The following CACNG5 variants were observed in gnomAD, a reference collection of about 807,000 sequenced individuals.
The protein encoded by CACNG5 is voltage-dependent calcium channel gamma-5 subunit.
A neutral mutation model predicts 24.8 loss-of-function variants in CACNG5; 18 were observed. That is an observed-to-expected ratio of 0.73 (90% CI 0.50 to 1.08). CACNG5 has a LOEUF of 1.08. Ranked by LOEUF, CACNG5 falls within the 50% of genes least tolerant of loss-of-function variation. CACNG5 has a pLI of 0.00. For synonymous variants in CACNG5, 157 were observed against 149.1 expected (o/e 1.05, Z -0.39); for missense variants, 349 against 367.9 (o/e 0.95, Z 0.42).
rs774239189 is a variant in CACNG5, at chr17:66,889,803, T to G, written c.*4563T>G. 2.8e-4 allele frequency among the ~76,000 whole-genome samples: 42 copies of G among 152,220 alleles called. No individual in the cohort carries two copies. Among genetic ancestry groups the G allele is most frequent in the Non-Finnish European group, 4.7e-4 (32 of 68,048 alleles). ...ACTCAGTGTCCACTGATTTAAATGT[T>G]AGTGTCATCCAAAACACACCTTCAC... On this transcript the variant is annotated 3_prime_UTR_variant, in exon 6 of 6. Coordinates refer to ENST00000533854, the MANE Select transcript of CACNG5 (RefSeq NM_145811.3).
At chr17:66,852,932 CTT>C (rs976055084) in intron 1 of CACNG5, among the ~76,000 whole-genome samples, 2 of 146,814 alleles carry the variant, frequency 1.4e-5, no homozygotes, top group African/African-American at 5.0e-5. Flanking sequence ...CTCTTTCTCT[CTT>C]GTCTTTCTCT....
At position 66,887,653 on chromosome 17, in the gene CACNG5, G is replaced by T. The variant is rs1219829605; in HGVS notation, c.*2413G>T. 2.0e-5 allele frequency among the ~76,000 whole-genome samples: 3 copies of T among 152,098 alleles called. No individual in the cohort carries two copies. The highest frequency in any genetic ancestry group is 7.2e-5 in the African/African-American group (3 of 41,406). On this transcript the variant is annotated 3_prime_UTR_variant, in exon 6 of 6. Transcript: ENST00000533854. ...TAGAACACTCTTTCTCTGTCACTGT[G>T]CCAGGCTTGTTTTTGGTGCACCTGG...
intron 1 of CACNG5, among the ~76,000 whole-genome samples, chr17:66,858,868 A>AG (rs1285062974): frequency 6.6e-6 from 1 of 152,154 alleles, no homozygotes; most frequent in Admixed American, 6.5e-5. Context: ...CTTTAAAGAG[A>AG]GGTGGTCAAG....
At chr17:66,839,180 TC>T (rs1976528405) in intron 1 of CACNG5, among the ~76,000 whole-genome samples, 1 of 151,894 alleles carries the variant, frequency 6.6e-6, no homozygotes, top group African/African-American at 2.4e-5. Flanking sequence ...CAAGATGTTC[TC>T]AATCTCCTGA....
chr17:66,865,862 C>T (rs1163613925), intron 1 of CACNG5, among the ~76,000 whole-genome samples: 2 of 148,598 alleles, frequency 1.3e-5, no homozygotes, highest in African/African-American at 2.5e-5. Flanking sequence ...AGGATGGTCT[C>T]GATCTCCTGA....
intron 1 of CACNG5, among the ~76,000 whole-genome samples, chr17:66,873,347 A>C (rs961925588): frequency 6.6e-6 from 1 of 152,210 alleles, no homozygotes; most frequent in Non-Finnish European, 1.5e-5. Flanking sequence ...GAAATAGATG[A>C]AACTTTTTGG....
In CACNG5 at chr17:66,886,888, AC is replaced by A. The variant is rs1977269163; in HGVS notation, c.*1650del. Among the ~76,000 whole-genome samples, 1 of 152,062 alleles carries A rather than the reference AC, an allele frequency of 6.6e-6. No individual in the cohort carries two copies. Among genetic ancestry groups the A allele is most frequent in the Admixed American group, 6.5e-5 (1 of 15,274 alleles). Reference sequence around the variant, plus strand: ...CTCTGTCCTTGGCTTGCAGACGGCTACCTTCCCGCTGTGTCCTCATGTGGTC... The same window carrying A: ...CTCTGTCCTTGGCTTGCAGACGGCTACTTCCCGCTGTGTCCTCATGTGGTC... On this transcript the variant is annotated 3_prime_UTR_variant, in exon 6 of 6. Coordinates refer to ENST00000533854, the MANE Select transcript of CACNG5 (RefSeq NM_145811.3).
intron 1 of CACNG5, among the ~76,000 whole-genome samples, chr17:66,868,298 G>A (rs1976956657): frequency 1.3e-5 from 2 of 152,218 alleles, no homozygotes; most frequent in African/African-American, 4.8e-5. Flanking sequence ...GGAATGCAGT[G>A]TGGCAGGGGT....
rs1598062702 is a variant in CACNG5, at chr17:66,880,609, C to T, written c.336C>T (p.Phe112=). The change falls in exon 4 of 6, where the codon TTC becomes TTT. Residue 112 remains phenylalanine, a synonymous_variant. Coordinates refer to ENST00000533854, the MANE Select transcript of CACNG5 (RefSeq NM_145811.3). ...CTCTGGTCAGCCTCTTCTTCATGTTCATTGGGTTTATCCTGAACAACATCG... is the reference window on the plus strand; with the variant it reads ...CTCTGGTCAGCCTCTTCTTCATGTTTATTGGGTTTATCCTGAACAACATCG... ...PFPLVSLFFM[F]IGFILNNIGH... 2 of 1,614,246 alleles carry T rather than the reference C, an allele frequency of 1.2e-6. No individual in the cohort carries two copies. Among genetic ancestry groups the T allele is most frequent in the Non-Finnish European group, 8.5e-7 (1 of 1,180,030 alleles).
chr17:66,881,617 T>C (rs573049892), intron 4 of CACNG5, among the ~76,000 whole-genome samples: 4 of 152,252 alleles, frequency 2.6e-5, no homozygotes, highest in African/African-American at 9.6e-5. Flanking sequence ...AAAAGGGCAG[T>C]GCAATGGGAG....
chr17:66,860,180 G>A (rs556352495), intron 1 of CACNG5, among the ~76,000 whole-genome samples: 74 of 152,256 alleles, frequency 4.9e-4, no homozygotes, highest in African/African-American at 1.7e-3. Flanking sequence ...AGACAGTTTA[G>A]TATAGCAGAT....
intron 1 of CACNG5, among the ~76,000 whole-genome samples, chr17:66,864,995 C>T (rs1290373548): frequency 6.6e-6 from 1 of 152,184 alleles, no homozygotes; most frequent in South Asian, 2.1e-4. Context: ...TTACTGAACT[C>T]AAGCCATCCT....
chr17:66,862,892 C>CTCTCTG (rs567913804), intron 1 of CACNG5, among the ~76,000 whole-genome samples: 1,451 of 142,236 alleles, frequency 0.01, 39 homozygotes, highest in Admixed American at 0.047. Context: ...AGCATATTCT[C>CTCTCTG]TGTGTGTGTG....
intron 1 of CACNG5, among the ~76,000 whole-genome samples, chr17:66,857,741 G>A (rs898283321): frequency 6.6e-6 from 1 of 152,206 alleles, no homozygotes; most frequent in Non-Finnish European, 1.5e-5. Context: ...TGCATGGTCT[G>A]CATATCTTTA....
chr17:66,838,057 C>T (rs1021401927), intron 1 of CACNG5, among the ~76,000 whole-genome samples: 1 of 151,730 alleles, frequency 6.6e-6, no homozygotes, highest in African/African-American at 2.4e-5. Context: ...ACCCGCTGCT[C>T]AGAACACACC....
chr17:66,884,425 G>T (rs1412163460), intron 4 of CACNG5, 91 bp from the exon 5 acceptor site: 3 of 1,374,692 alleles, frequency 2.2e-6, no homozygotes, highest in African/African-American at 1.4e-5. Flanking sequence ...TGGTGGCTTT[G>T]CTCCTGAATT....
Position 66,888,578 on chromosome 17 carries a change from A to G in CACNG5, c.*3338A>G, listed in dbSNP as rs1977297064. On this transcript the variant is annotated 3_prime_UTR_variant, in exon 6 of 6. Coordinates refer to ENST00000533854, the MANE Select transcript of CACNG5 (RefSeq NM_145811.3). ...AAAAAAAAAAAAAAGAGTTAAAGAA[A>G]GAGGAAAGAACCATGAAAAGTGGCT... 6.6e-6 allele frequency among the ~76,000 whole-genome samples: 1 copy of G among 151,194 alleles called. No individual in the cohort carries two copies. The highest frequency in any genetic ancestry group is 1.5e-5 in the Non-Finnish European group (1 of 67,836).
chr17:66,875,407 C>G (rs1221918233), intron 1 of CACNG5, among the ~76,000 whole-genome samples: 1 of 152,190 alleles, frequency 6.6e-6, no homozygotes, highest in Non-Finnish European at 1.5e-5. Context: ...TAGACTCACA[C>G]ATGCCTCCAG....
At chr17:66,837,829 C>G (rs1976502019) in intron 1 of CACNG5, among the ~76,000 whole-genome samples, 1 of 151,914 alleles carries the variant, frequency 6.6e-6, no homozygotes, top group Non-Finnish European at 1.5e-5. Flanking sequence ...GAGACAGGCC[C>G]AGCTGCTAAG....
Sources: gnomAD v4.1 joint callset for allele counts (sites outside exome capture counted in the v4.1 genomes callset) on GRCh38, gnomAD v4.1.1 for gene constraint, MANE v1.5 for transcripts, NCBI Gene and HGNC (gene_info 2026-07-23, HGNC 2026-07-21) for gene names.